The following SAR1B variants were observed in gnomAD, a reference collection of about 807,000 sequenced individuals.
The protein encoded by SAR1B is secretion associated Ras related GTPase 1B, also known as small COPII coat GTPase SAR1B.
In SAR1B, 23 loss-of-function variants were observed where a neutral mutation model predicts 26.8. The observed-to-expected ratio is 0.86, with a 90% CI of 0.62 to 1.22. The LOEUF (loss-of-function observed/expected upper bound fraction) is 1.22. Ranked by LOEUF, SAR1B falls within the 50% of genes most tolerant of loss-of-function variation. The probability of loss-of-function intolerance (pLI) is 0.00; values close to 1 mark genes in which losing one functional copy is unlikely to be tolerated. For synonymous variants in SAR1B, 65 were observed against 80.8 expected (o/e 0.80, Z 1.05); for missense variants, 196 against 232.8 (o/e 0.84, Z 1.03).
Position 134,608,444 on chromosome 5 carries a change from G to C in SAR1B, c.408C>G (p.Ile136Met). 6.2e-7 allele frequency: 1 copy of C among 1,609,684 alleles called. No homozygotes were observed. Among genetic ancestry groups the C allele is most frequent in the South Asian group, 1.1e-5 (1 of 90,728 alleles). ...NVPILILGNK[I>M]DRPEAISEER... Reference sequence around the variant, plus strand: ...CTTCACTGATGGCTTCAGGTCTGTCGATCTTATTCCCAAGAATCAGTATAG... The same window carrying C: ...CTTCACTGATGGCTTCAGGTCTGTCCATCTTATTCCCAAGAATCAGTATAG... Residue 136 changes from isoleucine (I) to methionine (M), a missense_variant, in exon 6 of 7, where the codon ATC (isoleucine) becomes ATG (methionine). Coordinates refer to ENST00000402673, the MANE Select transcript of SAR1B (RefSeq NM_016103.4).
chr5:134,612,681 A>AAAAAAATT lies in SAR1B; in HGVS notation c.244+9_244+10insAATTTTTT. ...AAAAAAAAAAAAAAAAAAAAAAAAAAGAATCTTACCTTGAACATGTCCACC... is the reference window on the plus strand; with the variant it reads ...AAAAAAAAAAAAAAAAAAAAAAAAAAAAAAAATTGAATCTTACCTTGAACATGTCCACC... On this transcript the variant is annotated intron_variant, in intron 4 of 6. Transcript: ENST00000402673. 7.1e-6 allele frequency: 8 copies of AAAAAAATT among 1,124,720 alleles called. No homozygotes were observed. Among genetic ancestry groups the AAAAAAATT allele is most frequent in the South Asian group, 2.1e-5 (1 of 46,638 alleles). The allele number at this position is 1,124,720 out of a possible 1,614,324, so 69.7% of individuals were successfully genotyped here. A position where few individuals can be genotyped will look rare whatever the true frequency, so the allele number is the denominator to read the frequency against.
Position 134,605,659 on chromosome 5 carries a change from C to CAAAAAAAAAAAAAAAAAAAAAAAAA in SAR1B, c.*1290_*1291insTTTTTTTTTTTTTTTTTTTTTTTTT, listed in dbSNP as rs1026047463. The stretch of plus-strand genomic sequence containing the variant: ...GTCTCTAAAACAAAATGAAACAGAG[C>CAAAAAAAAAAAAAAAAAAAAAAAAA]AAAAAAAAAAAAAAAAAAAAAGCCC... On this transcript the variant is annotated 3_prime_UTR_variant, in exon 7 of 7. Coordinates refer to ENST00000402673, the MANE Select transcript of SAR1B (RefSeq NM_016103.4). 2 of 35,022 alleles carry CAAAAAAAAAAAAAAAAAAAAAAAAA rather than the reference C, an allele frequency of 5.7e-5. No homozygotes were observed. Among genetic ancestry groups the CAAAAAAAAAAAAAAAAAAAAAAAAA allele is most frequent in the East Asian group, 9.2e-4 (1 of 1,090 alleles). The allele number at this position is 35,022 out of a possible 1,614,324, so 2.2% of individuals were successfully genotyped here.
At chr5:134,628,732 G>T (rs1159452227) in intron 1 of SAR1B, among the ~76,000 whole-genome samples, 1 of 151,752 alleles carries the variant, frequency 6.6e-6, no homozygotes, top group African/African-American at 2.4e-5. Flanking sequence ...TTGGCTCACT[G>T]CAACCTCCAC....
At chr5:134,626,608 GAA>G (rs1765498654) in intron 1 of SAR1B, among the ~76,000 whole-genome samples, 2 of 152,170 alleles carry the variant, frequency 1.3e-5, no homozygotes, top group Non-Finnish European at 2.9e-5. Context: ...CTGCAGATTA[GAA>G]AAGTGATCTA....
intron 1 of SAR1B, among the ~76,000 whole-genome samples, chr5:134,629,900 GAAAAA>G (rs60994500): frequency 4.8e-5 from 7 of 145,434 alleles, no homozygotes; most frequent in Non-Finnish European, 1.1e-4. Flanking sequence ...AAAAAAAAAA[GAAAAA>G]AAAGAAAAAG....
rs923461070 is a variant in SAR1B, at chr5:134,602,742, G to A, written c.*4208C>T. 1 of 152,084 alleles carries A rather than the reference G, an allele frequency of 6.6e-6. No individual in the cohort carries two copies. The allele number at this position is 152,084 out of a possible 1,614,324, so 9.4% of individuals were successfully genotyped here. On this transcript the variant is annotated 3_prime_UTR_variant, in exon 7 of 7. Transcript: ENST00000402673. Reference sequence around the variant, plus strand: ...AAAATACAAAAATTAACTGGGCATGGTGTGGTGCACCTGTAATCCCAGCTA... The same window carrying A: ...AAAATACAAAAATTAACTGGGCATGATGTGGTGCACCTGTAATCCCAGCTA...
At chr5:134,623,511 A>AAG (rs1283479625) in intron 2 of SAR1B, among the ~76,000 whole-genome samples, 1 of 151,496 alleles carries the variant, frequency 6.6e-6, no homozygotes, top group Non-Finnish European at 1.5e-5. Flanking sequence ...AATTAAAAAA[A>AAG]AAAAAAAAAA....
At position 134,603,173 on chromosome 5, in the gene SAR1B, T is replaced by C. The variant is rs1765067904; in HGVS notation, c.*3777A>G. ...GAAGGAATTTTGAGAGATTTCCCCT[T>C]ATGTAGCTATTCTCAGTGCACTCTG... On this transcript the variant is annotated 3_prime_UTR_variant, in exon 7 of 7. Coordinates refer to ENST00000402673, the MANE Select transcript of SAR1B (RefSeq NM_016103.4). 6.6e-6 allele frequency: 1 copy of C among 152,228 alleles called. No individual in the cohort carries two copies. Among genetic ancestry groups the C allele is most frequent in the Non-Finnish European group, 1.5e-5 (1 of 68,044 alleles). The allele number at this position is 152,228 out of a possible 1,614,324, so 9.4% of individuals were successfully genotyped here. A position where few individuals can be genotyped will look rare whatever the true frequency, so the allele number is the denominator to read the frequency against.
chr5:134,622,248 C>CTA (rs1244485607), intron 2 of SAR1B, among the ~76,000 whole-genome samples: 11 of 152,068 alleles, frequency 7.2e-5, no homozygotes, highest in African/African-American at 2.2e-4. Flanking sequence ...GGGGGCAGAA[C>CTA]TATATATATA....
intron 1 of SAR1B, among the ~76,000 whole-genome samples, chr5:134,628,265 G>T (rs925775315): frequency 6.6e-6 from 1 of 151,552 alleles, no homozygotes; most frequent in Non-Finnish European, 1.5e-5. Flanking sequence ...TGGTGACAGT[G>T]AGACCCTGCC....
intron 5 of SAR1B, 82 bp downstream of exon 5, chr5:134,609,489 C>G: frequency 8.9e-7 from 1 of 1,119,286 alleles, no homozygotes; most frequent in Non-Finnish European, 1.4e-6. Flanking sequence ...AAAAGCTGCA[C>G]TCTGATACCT....
In SAR1B at chr5:134,626,306, A is replaced by C. The variant is rs1470410100; in HGVS notation, c.-18-2269T>G. On this transcript the variant is annotated intron_variant, in intron 1 of 6. Coordinates refer to ENST00000402673, the MANE Select transcript of SAR1B (RefSeq NM_016103.4). ...AGAGCAAGACTCTGCCTCAAAAAAA[A>C]AAAAAAAAAAAAAAAAAAAAAAAAT... Among the ~76,000 whole-genome samples the C allele has an allele frequency of 4.2e-5, 5 of 118,698 alleles. No homozygotes were observed. The East Asian group carries it at 8.5e-4, about 20-fold the overall frequency. The allele number at this position is 118,698 out of a possible 152,430, so 77.9% of individuals were successfully genotyped here. A position where few individuals can be genotyped will look rare whatever the true frequency, so the allele number is the denominator to read the frequency against.
chr5:134,606,981 C>G lies in SAR1B; in HGVS notation c.566G>C (p.Gly189Ala). The stretch of plus-strand genomic sequence containing the variant: ...AATGTACTGTGCCATCCAGCGGAAG[C>G]CTTCTCCGTAACCTTGTCTTTTGAG... ...SVLKRQGYGEGFRWMAQYID is the reference protein window; with the variant it reads ...SVLKRQGYGEAFRWMAQYID Residue 189 changes from glycine to alanine, a missense_variant, in exon 7 of 7, where the codon GGC becomes GCC. By Grantham distance (60) the Gly-to-Ala change is moderately conservative. Transcript: ENST00000402673. 1 of 1,613,944 alleles carries G rather than the reference C, an allele frequency of 6.2e-7. No individual in the cohort carries two copies. The highest frequency in any genetic ancestry group is 8.5e-7 in the Non-Finnish European group (1 of 1,179,824).
Position 134,621,052 on chromosome 5 carries a change from C to T in SAR1B, c.59G>A (p.Gly20Glu). The T allele has an allele frequency of 1.2e-6, 2 of 1,613,184 alleles. No individual in the cohort carries two copies. The highest frequency in any genetic ancestry group is 1.7e-6 in the Non-Finnish European group (2 of 1,179,336). The part of the protein sequence containing the change: ...SGFSSVLQFL[G>E]LYKKTGKLVF... ...CAGTTTACCAGTTTTCTTATATAAT[C>T]CTGCAAAGCAAGAGCTATGATTGGT... The change falls in exon 3 of 7, where the codon GGA becomes GAA. Residue 20 changes from glycine to glutamate, a missense_variant and splice_region_variant. Physicochemically the swap from Gly to Glu is moderately conservative, Grantham distance 98. Transcript: ENST00000402673.
At chr5:134,621,321 T>C (rs1765403849) in intron 2 of SAR1B, among the ~76,000 whole-genome samples, 1 of 151,974 alleles carries the variant, frequency 6.6e-6, no homozygotes, top group African/African-American at 2.4e-5. Flanking sequence ...AATACAAAAA[T>C]TAGCCAGGTG....
intron 3 of SAR1B, among the ~76,000 whole-genome samples, chr5:134,616,583 A>C (rs2150052770): frequency 6.6e-6 from 1 of 152,330 alleles, no homozygotes; most frequent in African/African-American, 2.4e-5. Context: ...AATAATCCCC[A>C]ATATACTTTC....
rs754263977 is a variant in SAR1B at position 134,608,373 on chromosome 5, T to G, written c.479A>C (p.Lys160Thr). The G allele has an allele frequency of 2.6e-6, 4 of 1,564,906 alleles. No homozygotes were observed. The highest frequency in any genetic ancestry group is 3.5e-6 in the Non-Finnish European group (4 of 1,153,786). Residue 160 changes from lysine (K) to threonine (T), a missense_variant and splice_region_variant, in exon 6 of 7, where the codon AAG (lysine) becomes ACG (threonine). Transcript: ENST00000402673. Reference sequence around the variant, plus strand: ...TCATAATTTTTTTTTTTTTTTTACCTTTCCTGTTGTCTGACCATATAAACC... The same window carrying G: ...TCATAATTTTTTTTTTTTTTTTACCGTTCCTGTTGTCTGACCATATAAACC... ...MFGLYGQTTG[K>T]GSISLKELNA...
rs1765228636 is a variant in SAR1B, at chr5:134,612,431, C to G, written c.244+260G>C. Reference sequence around the variant, plus strand: ...GTTAAGTTAAAATAAAACAAAGTGACTGTAAGAGTAAGAGAATCTTACCTT... The same window carrying G: ...GTTAAGTTAAAATAAAACAAAGTGAGTGTAAGAGTAAGAGAATCTTACCTT... On this transcript the variant is annotated intron_variant, in intron 4 of 6. Coordinates refer to ENST00000402673, the MANE Select transcript of SAR1B (RefSeq NM_016103.4). Among the ~76,000 whole-genome samples, 5 of 152,068 alleles carry G rather than the reference C, an allele frequency of 3.3e-5. No individual in the cohort carries two copies. The South Asian group carries it at 8.3e-4, about 25-fold the overall frequency.
chr5:134,612,250 A>G (rs1765226583), intron 4 of SAR1B, among the ~76,000 whole-genome samples: 1 of 152,176 alleles, frequency 6.6e-6, no homozygotes, highest in African/African-American at 2.4e-5. Context: ...TACCACCAAA[A>G]GCAATTCTCA....
Sources: allele counts gnomAD v4.1 joint callset (sites outside exome capture counted in the v4.1 genomes callset), GRCh38; gene constraint gnomAD v4.1.1; transcripts MANE v1.5; gene names NCBI Gene and HGNC (gene_info 2026-07-23, HGNC 2026-07-21).